The following NOVA2 variants were observed in gnomAD, a reference collection of about 807,000 sequenced individuals.
NOVA2 encodes the protein NOVA alternative splicing regulator 2.
Under a neutral mutation model 22.5 loss-of-function variants are expected in NOVA2, and 9 were observed. That is an observed-to-expected ratio of 0.40 (90% CI 0.24 to 0.70). The LOEUF is 0.70. NOVA2 is among the 30% of genes least tolerant of loss of function. NOVA2 has a pLI of 0.38. For missense variants in NOVA2, 383 were observed against 682.8 expected (o/e 0.56, Z 4.89); for synonymous variants, 318 against 335.2 (o/e 0.95, Z 0.56).
Position 45,973,359 on chromosome 19 carries a change from G to GA in NOVA2, c.-9_-8insT. 9.7e-7 allele frequency: 1 copy of GA among 1,030,422 alleles called. No individual in the cohort carries two copies. Among genetic ancestry groups the GA allele is most frequent in the Non-Finnish European group, 1.2e-6 (1 of 806,116 alleles). The allele number at this position is 1,030,422 out of a possible 1,614,324, so 63.8% of individuals were successfully genotyped here. A position where few individuals can be genotyped will look rare whatever the true frequency, so the allele number is the denominator to read the frequency against. On this transcript the variant is annotated 5_prime_UTR_variant, in exon 1 of 4. Coordinates refer to ENST00000263257, the MANE Select transcript of NOVA2 (RefSeq NM_002516.4). Reference sequence around the variant, plus strand: ...CGGGGCCTCGGGCTCCATGGGGGGGGCCTGGGGCGGCGGCTGCTGCTGCTG... The same window carrying GA: ...CGGGGCCTCGGGCTCCATGGGGGGGGACCTGGGGCGGCGGCTGCTGCTGCTG...
At chr19:45,949,529 T>C (rs1212023665) in intron 3 of NOVA2, among the ~76,000 whole-genome samples, 1 of 152,052 alleles carries the variant, frequency 6.6e-6, no homozygotes, top group Non-Finnish European at 1.5e-5. Context: ...TTTAAGAAAA[T>C]TTCTACCTCT....
intron 2 of NOVA2, among the ~76,000 whole-genome samples, chr19:45,958,690 C>A (rs529869232): frequency 1.3e-5 from 2 of 152,074 alleles, no homozygotes; most frequent in East Asian, 3.9e-4. Context: ...TGCATGCTAA[C>A]CTACTAGGCC....
chr19:45,936,618 A>G lies in NOVA2; in HGVS notation c.*3245T>C, dbSNP rs1178159971. 6.6e-6 allele frequency: 1 copy of G among 151,510 alleles called. No homozygotes were observed. Among genetic ancestry groups the G allele is most frequent in the Non-Finnish European group, 1.5e-5 (1 of 67,920 alleles). The allele number at this position is 151,510 out of a possible 1,614,324, so 9.4% of individuals were successfully genotyped here. A position where few individuals can be genotyped will look rare whatever the true frequency, so the allele number is the denominator to read the frequency against. On this transcript the variant is annotated 3_prime_UTR_variant, in exon 4 of 4. Coordinates refer to ENST00000263257, the MANE Select transcript of NOVA2 (RefSeq NM_002516.4). ...GAGAGAGAGTTGAGACATTTGAGGA[A>G]AGGAGGAAGACAGACAAAGACTAAG...
At chr19:45,949,738 TG>T (rs77274017) in intron 3 of NOVA2, among the ~76,000 whole-genome samples, 28 of 122,404 alleles carry the variant, frequency 2.3e-4, no homozygotes, top group South Asian at 5.6e-4. Flanking sequence ...AATCGTAGGT[TG>T]TTTTTTTTTT....
At position 45,973,347 on chromosome 19, in the gene NOVA2, T is replaced by A; in HGVS notation, c.5A>T (p.Glu2Val). M[E>V]PEAPDSRKRP... ...CTTGCGGGAATCCGGGGCCTCGGGC[T>A]CCATGGGGGGGGCCTGGGGCGGCGG... The change falls in exon 1 of 4, where the codon GAG becomes GTG. Residue 2 changes from glutamate to valine, a missense_variant. Coordinates refer to ENST00000263257, the MANE Select transcript of NOVA2 (RefSeq NM_002516.4). 9.0e-7 allele frequency: 1 copy of A among 1,114,960 alleles called. No homozygotes were observed. The allele number at this position is 1,114,960 out of a possible 1,614,324, so 69.1% of individuals were successfully genotyped here.
At position 45,964,561 on chromosome 19, in the gene NOVA2, A is replaced by ATCTCTCTCTCTCTCTCTCTCTCTCTCTC. The variant is rs141748431; in HGVS notation, c.86-3409_86-3408insGAGAGAGAGAGAGAGAGAGAGAGAGAGA. Among the ~76,000 whole-genome samples the ATCTCTCTCTCTCTCTCTCTCTCTCTCTC allele has an allele frequency of 8.0e-4, 109 of 137,098 alleles. 3 individuals are homozygous for ATCTCTCTCTCTCTCTCTCTCTCTCTCTC. The highest frequency in any genetic ancestry group is 1.1e-3 in the Non-Finnish European group (71 of 64,860). 89.9% of individuals were successfully genotyped at this position (137,098 alleles called of 152,430 possible). A position where few individuals can be genotyped will look rare whatever the true frequency, so the allele number is the denominator to read the frequency against. On this transcript the variant is annotated intron_variant, in intron 1 of 3. Coordinates refer to ENST00000263257, the MANE Select transcript of NOVA2 (RefSeq NM_002516.4). ...AGAGAAACTGCTCTAACACTCTCTGATCTCTCTCTCTCTCTCTCTCTCTTT... is the reference window on the plus strand; with the variant it reads ...AGAGAAACTGCTCTAACACTCTCTGATCTCTCTCTCTCTCTCTCTCTCTCTCTCTCTCTCTCTCTCTCTCTCTCTCTTT...
rs777271274 is a variant in NOVA2, at chr19:45,940,466, G to A, written c.876C>T (p.Asn292=). ...TGAGGCCCAGGCCCAGGGAGTTGGTGTTGTAGCCGTAACTTGCCAGCGTGT... is the reference window on the plus strand; with the variant it reads ...TGAGGCCCAGGCCCAGGGAGTTGGTATTGTAGCCGTAACTTGCCAGCGTGT... ...ALNTLASYGY[N]TNSLGLGLNS... is the part of the protein sequence containing the mutation. The change falls in exon 4 of 4, where the codon AAC becomes AAT. Residue 292 remains asparagine (N), a synonymous_variant. Transcript: ENST00000263257. 2 of 1,535,936 alleles carry A rather than the reference G, an allele frequency of 1.3e-6. No homozygotes were observed. The highest frequency in any genetic ancestry group is 1.4e-5 in the African/African-American group (1 of 69,366).
intron 1 of NOVA2, among the ~76,000 whole-genome samples, chr19:45,970,948 C>A (rs1478242785): frequency 6.6e-6 from 1 of 152,116 alleles, no homozygotes; most frequent in African/African-American, 2.4e-5. Flanking sequence ...TCCCTAAAGG[C>A]TCATCCTAGT....
chr19:45,973,182 C>G, intron 1 of NOVA2, 85 bp downstream of exon 1: 1 of 647,136 alleles, frequency 1.5e-6, no homozygotes, highest in Non-Finnish European at 2.4e-6. Flanking sequence ...AGAGCCCTTG[C>G]ACCTGCCACG....
At chr19:45,951,447 T>C (rs1967923542) in intron 3 of NOVA2, among the ~76,000 whole-genome samples, 1 of 151,850 alleles carries the variant, frequency 6.6e-6, no homozygotes, top group East Asian at 1.9e-4. Flanking sequence ...TGAAACCCCA[T>C]CTCTACTAAA....
At chr19:45,951,009 T>C (rs1967917342) in intron 3 of NOVA2, among the ~76,000 whole-genome samples, 1 of 152,182 alleles carries the variant, frequency 6.6e-6, no homozygotes, top group Non-Finnish European at 1.5e-5. Context: ...ACCAGAAATA[T>C]TGATTCAGTG....
At chr19:45,960,127 G>A (rs1968073566) in intron 2 of NOVA2, among the ~76,000 whole-genome samples, 1 of 151,808 alleles carries the variant, frequency 6.6e-6, no homozygotes, top group Admixed American at 6.6e-5. Context: ...GGCAGAAAAG[G>A]GACTGGGTTT....
chr19:45,962,197 G>C (rs1056734982), intron 1 of NOVA2: 1 of 154,232 alleles, frequency 6.5e-6, no homozygotes, highest in Non-Finnish European at 1.5e-5. Flanking sequence ...AGGAGGTGAC[G>C]GCGGTCTGAC....
At chr19:45,949,121 G>A (rs1262476507) in intron 3 of NOVA2, among the ~76,000 whole-genome samples, 1 of 152,100 alleles carries the variant, frequency 6.6e-6, no homozygotes, top group African/African-American at 2.4e-5. Flanking sequence ...GTGGCTGGAA[G>A]ACGTTGAGAC....
chr19:45,939,760 G>A lies in NOVA2; in HGVS notation c.*103C>T, dbSNP rs1395557076. 6 of 1,456,372 alleles carry A rather than the reference G, an allele frequency of 4.1e-6. No homozygotes were observed. In the Admixed American group the frequency reaches 8.1e-5, roughly 20 times the overall value. 90.2% of individuals were successfully genotyped at this position (1,456,372 alleles called of 1,614,324 possible). A position where few individuals can be genotyped will look rare whatever the true frequency, so the allele number is the denominator to read the frequency against. On this transcript the variant is annotated 3_prime_UTR_variant, in exon 4 of 4. Transcript: ENST00000263257. The stretch of plus-strand genomic sequence containing the variant: ...GCCTACCCCAGCCCCATCCCAAGAG[G>A]AGCAGGACTACACCAAGCTGAGGTC...
In NOVA2 at chr19:45,939,557, G is replaced by T; in HGVS notation, c.*306C>A. On this transcript the variant is annotated 3_prime_UTR_variant, in exon 4 of 4. Transcript: ENST00000263257. ...TGTTTTCTATTAAAATCAACAAAAT[G>T]CAATATATACAGATATCACACAGAC... is the stretch of plus-strand genomic sequence containing the variant. The T allele has an allele frequency of 4.0e-6, 1 of 251,550 alleles. No individual in the cohort carries two copies. The highest frequency in any genetic ancestry group is 7.5e-6 in the Non-Finnish European group (1 of 133,254). 15.6% of individuals were successfully genotyped at this position (251,550 alleles called of 1,614,324 possible).
At chr19:45,965,411 C>G (rs1968155218) in intron 1 of NOVA2, among the ~76,000 whole-genome samples, 1 of 152,164 alleles carries the variant, frequency 6.6e-6, no homozygotes, top group Non-Finnish European at 1.5e-5. Flanking sequence ...TTGTATGAAA[C>G]AGCAGAAGCA....
At chr19:45,948,330 G>A (rs1967871273) in intron 3 of NOVA2, among the ~76,000 whole-genome samples, 1 of 151,996 alleles carries the variant, frequency 6.6e-6, no homozygotes, top group South Asian at 2.1e-4. Context: ...CCGGGCGTGG[G>A]GGCTCATGCC....
chr19:45,938,178 A>G lies in NOVA2; in HGVS notation c.*1685T>C, dbSNP rs1733442857. On this transcript the variant is annotated 3_prime_UTR_variant, in exon 4 of 4. Coordinates refer to ENST00000263257, the MANE Select transcript of NOVA2 (RefSeq NM_002516.4). Reference sequence around the variant, plus strand: ...GGAGGTCTCAGCTATCCTAGTCTACATGGTTGTCAGGCCCTGAAATCTCAG... The same window carrying G: ...GGAGGTCTCAGCTATCCTAGTCTACGTGGTTGTCAGGCCCTGAAATCTCAG... 1 of 152,326 alleles carries G rather than the reference A, an allele frequency of 6.6e-6. No homozygotes were observed. Among genetic ancestry groups the G allele is most frequent in the African/African-American group, 2.4e-5 (1 of 41,510 alleles). The allele number at this position is 152,326 out of a possible 1,614,324, so 9.4% of individuals were successfully genotyped here. A position where few individuals can be genotyped will look rare whatever the true frequency, so the allele number is the denominator to read the frequency against.
Sources: gnomAD v4.1 joint callset for allele counts (sites outside exome capture counted in the v4.1 genomes callset) on GRCh38, gnomAD v4.1.1 for gene constraint, MANE v1.5 for transcripts, NCBI Gene and HGNC (gene_info 2026-07-23, HGNC 2026-07-21) for gene names.